The following GRIP1 variants were observed in gnomAD, a reference collection of about 807,000 sequenced individuals.
The protein encoded by GRIP1 is glutamate receptor interacting protein 1.
Under a neutral mutation model 129.9 loss-of-function variants are expected in GRIP1, and 45 were observed. The ratio of observed to expected loss-of-function variants is 0.35; its 90% CI spans 0.27 to 0.44. GRIP1 has a LOEUF of 0.44. GRIP1 is among the 20% of genes least tolerant of loss of function. The pLI is 1.00. For synonymous variants in GRIP1, 530 were observed against 520.8 expected (o/e 1.02, Z -0.24); for missense variants, 1,196 against 1,396.8 (o/e 0.86, Z 2.29).
At chr12:66,890,898 C>G (rs1477236844) in intron 1 of GRIP1, among the ~76,000 whole-genome samples, 1 of 152,098 alleles carries the variant, frequency 6.6e-6, no homozygotes, top group Non-Finnish European at 1.5e-5. Flanking sequence ...TGCAGGATCA[C>G]CAGTGGATGC....
intron 13 of GRIP1, among the ~76,000 whole-genome samples, chr12:66,441,252 G>A (rs554608140): frequency 5.3e-5 from 8 of 152,084 alleles, no homozygotes; most frequent in Admixed American, 1.3e-4. Context: ...TTCTTTCTTT[G>A]GCTTCCAAAA....
chr12:66,659,136 T>C (rs1405627311), intron 1 of GRIP1, among the ~76,000 whole-genome samples: 1 of 152,190 alleles, frequency 6.6e-6, no homozygotes, highest in Non-Finnish European at 1.5e-5. Flanking sequence ...GATAGTCATG[T>C]GGCTTTCATG....
intron 1 of GRIP1, among the ~76,000 whole-genome samples, chr12:66,817,120 G>C (rs2039233578): frequency 6.6e-6 from 1 of 151,438 alleles, no homozygotes; most frequent in African/African-American, 2.4e-5. Context: ...GTGCTTTTAT[G>C]ACACTCTTAT....
intron 1 of GRIP1, among the ~76,000 whole-genome samples, chr12:67,057,948 C>T (rs1311416643): frequency 6.6e-6 from 1 of 152,190 alleles, no homozygotes; most frequent in African/African-American, 2.4e-5. Context: ...AAATGCAATT[C>T]TAAATGCCAC....
chr12:66,708,357 T>C (rs965394878), intron 1 of GRIP1, among the ~76,000 whole-genome samples: 2 of 151,984 alleles, frequency 1.3e-5, no homozygotes, highest in African/African-American at 4.8e-5. Flanking sequence ...TAAAATTTTA[T>C]TTGTTTAAAC....
At chr12:66,983,650 C>T (rs1393105753) in intron 1 of GRIP1, among the ~76,000 whole-genome samples, 3 of 152,054 alleles carry the variant, frequency 2.0e-5, no homozygotes, top group African/African-American at 7.2e-5. Context: ...GTGTTTTATA[C>T]ATATTTGATA....
At chr12:66,795,927 T>G (rs2038682436) in intron 1 of GRIP1, among the ~76,000 whole-genome samples, 1 of 152,188 alleles carries the variant, frequency 6.6e-6, no homozygotes, top group African/African-American at 2.4e-5. Context: ...AAAGCAATCA[T>G]ACATTTTAGT....
intron 1 of GRIP1, among the ~76,000 whole-genome samples, chr12:66,911,919 A>G (rs191161642): frequency 2.6e-5 from 4 of 152,332 alleles, no homozygotes; most frequent in African/African-American, 9.6e-5. Flanking sequence ...TGTTGCCTAC[A>G]ATAACTATAT....
intron 7 of GRIP1, among the ~76,000 whole-genome samples, chr12:66,465,763 G>T (rs1451154686): frequency 3.3e-5 from 5 of 152,122 alleles, no homozygotes; most frequent in South Asian, 2.1e-4. Flanking sequence ...CTCAGTAAAG[G>T]TTTTTTAAAT....
intron 1 of GRIP1, among the ~76,000 whole-genome samples, chr12:66,937,846 C>T (rs2041512758): frequency 6.6e-6 from 1 of 152,056 alleles, no homozygotes; most frequent in African/African-American, 2.4e-5. Context: ...AAGATTACAA[C>T]AAACAGGTGG....
chr12:66,644,294 G>GA (rs1461160221), intron 1 of GRIP1, among the ~76,000 whole-genome samples: 1 of 152,080 alleles, frequency 6.6e-6, no homozygotes. Flanking sequence ...CTGATGATCA[G>GA]AAAAAACATA....
At chr12:66,907,611 G>C (rs2040955975) in intron 1 of GRIP1, among the ~76,000 whole-genome samples, 1 of 152,078 alleles carries the variant, frequency 6.6e-6, no homozygotes, top group African/African-American at 2.4e-5. Flanking sequence ...CCAGGAAGTG[G>C]GGGGTCAGCA....
upstream of GRIP1, among the ~76,000 whole-genome samples, chr12:66,804,451 GAA>G (rs1297640974): frequency 6.6e-6 from 1 of 151,926 alleles, no homozygotes; most frequent in Non-Finnish European, 1.5e-5. Context: ...AAAAAAAGAG[GAA>G]AAGAGAAAGA....
chr12:66,734,426 C>T (rs933676016), intron 1 of GRIP1, among the ~76,000 whole-genome samples: 1 of 152,090 alleles, frequency 6.6e-6, no homozygotes, highest in African/African-American at 2.4e-5. Flanking sequence ...TATGAACTGT[C>T]AGGGGCGATC....
intron 1 of GRIP1, among the ~76,000 whole-genome samples, chr12:66,632,041 C>T (rs1229813922): frequency 1.3e-5 from 2 of 152,144 alleles, no homozygotes; most frequent in African/African-American, 4.8e-5. Context: ...AGGTGGCATT[C>T]AGCTCCTTGG....
intron 1 of GRIP1, among the ~76,000 whole-genome samples, chr12:66,802,248 A>C (rs1027692845): frequency 5.9e-5 from 9 of 152,114 alleles, no homozygotes; most frequent in African/African-American, 2.2e-4. Flanking sequence ...TTGGGGACCC[A>C]ATTTGCAACT....
intron 2 of GRIP1, among the ~76,000 whole-genome samples, chr12:66,560,542 AAGAG>A (rs1454486478): frequency 6.6e-6 from 1 of 152,156 alleles, no homozygotes; most frequent in Non-Finnish European, 1.5e-5. Flanking sequence ...CTCAAAAAAA[AAGAG>A]AGACAAATGG....
At chr12:66,464,299 A>G (rs2059220304) in intron 8 of GRIP1, among the ~76,000 whole-genome samples, 1 of 152,194 alleles carries the variant, frequency 6.6e-6, no homozygotes, top group African/African-American at 2.4e-5. Flanking sequence ...ATGGAAAGGT[A>G]GTCTTTTTTT....
intron 1 of GRIP1, among the ~76,000 whole-genome samples, chr12:66,934,852 A>G (rs2041458884): frequency 6.6e-6 from 1 of 152,232 alleles, no homozygotes; most frequent in South Asian, 2.1e-4. Context: ...TGTGAGATTT[A>G]CCCTGTGCCC....
Sources: allele counts gnomAD v4.1 joint callset (sites outside exome capture counted in the v4.1 genomes callset), GRCh38; gene constraint gnomAD v4.1.1; transcripts MANE v1.5; gene names NCBI Gene and HGNC (gene_info 2026-07-23, HGNC 2026-07-21).